CNBD1: variants seen among roughly 807,000 people sequenced by gnomAD.
CNBD1 encodes cyclic nucleotide-binding domain-containing protein 1.
Under a neutral mutation model 54.4 loss-of-function variants are expected in CNBD1, and 71 were observed. The observed-to-expected ratio is 1.30, with a 90% CI of 1.08 to 1.59. CNBD1 has a LOEUF of 1.59. Among genes scored for constraint, CNBD1 ranks in the 40% most tolerant of loss-of-function variants. CNBD1 has a pLI of 0.00. For synonymous variants in CNBD1, 182 were observed against 170.7 expected (o/e 1.07, Z -0.51); for missense variants, 659 against 518.0 (o/e 1.27, Z -2.64).
chr8:87,194,105 G>A (rs1434007512), intron 4 of CNBD1, among the ~76,000 whole-genome samples: 2 of 152,142 alleles, frequency 1.3e-5, no homozygotes, highest in Non-Finnish European at 2.9e-5. Flanking sequence ...AAGGGATCTA[G>A]GCTATGTGTG....
In CNBD1 at chr8:87,406,593, C is replaced by T. The variant is rs993503547; in HGVS notation, c.214-21953C>T. Among the ~76,000 whole-genome samples, 5 of 151,696 alleles carry T rather than the reference C, an allele frequency of 3.3e-5. No individual in the cohort carries two copies. In the East Asian group the frequency reaches 5.9e-4, roughly 18 times the overall value. ...CTCCTGGGTTCAAGTGATTCTCCTG[C>T]CTCAGCTTCCGGAGTAGCTAGGACT... On this transcript the variant is annotated intron_variant, in intron 2 of 7. Coordinates refer to the CNBD1 transcript ENST00000521593.
intron 8 of CNBD1, among the ~76,000 whole-genome samples, chr8:87,335,130 G>T (rs914407192): frequency 6.6e-6 from 1 of 152,100 alleles, no homozygotes; most frequent in Admixed American, 6.6e-5. Context: ...CCAATTATGT[G>T]GTCGATTTTA....
chr8:86,902,985 C>T (rs1808962109), intron 2 of CNBD1, among the ~76,000 whole-genome samples: 1 of 152,042 alleles, frequency 6.6e-6, no homozygotes, highest in Non-Finnish European at 1.5e-5. Flanking sequence ...CAATGAGACC[C>T]TCAGAAGTAG....
intron 10 of CNBD1, among the ~76,000 whole-genome samples, chr8:87,367,175 G>C (rs892012043): frequency 1.3e-5 from 2 of 151,994 alleles, no homozygotes; most frequent in African/African-American, 4.8e-5. Context: ...TATATTCTTT[G>C]TCCTGACAAA....
intron 4 of CNBD1, among the ~76,000 whole-genome samples, chr8:87,086,611 G>A (rs1420939618): frequency 6.6e-6 from 1 of 151,950 alleles, no homozygotes; most frequent in Non-Finnish European, 1.5e-5. Context: ...TTTCCCTAGA[G>A]CAATGTGAAT....
At chr8:87,336,235 G>T (rs1340716616) in intron 8 of CNBD1, among the ~76,000 whole-genome samples, 1 of 152,090 alleles carries the variant, frequency 6.6e-6, no homozygotes, top group Non-Finnish European at 1.5e-5. Flanking sequence ...TAATTTGAAT[G>T]TTGGCTTGTC....
At chr8:87,205,970 T>G (rs762243045) in intron 4 of CNBD1, 23 bp from the exon 5 acceptor site, 35 of 1,464,826 alleles carry the variant, frequency 2.4e-5, no homozygotes, top group East Asian at 5.0e-5. Context: ...GTCTCTGAAT[T>G]TGTATTTTTT....
At chr8:87,046,013 C>T (rs1316200273) in intron 4 of CNBD1, among the ~76,000 whole-genome samples, 6 of 145,264 alleles carry the variant, frequency 4.1e-5, no homozygotes, top group Non-Finnish European at 8.9e-5. Context: ...TGCACTCCAG[C>T]CTGGGAGACA....
chr8:87,089,301 T>C (rs1227835573), intron 4 of CNBD1, among the ~76,000 whole-genome samples: 1 of 152,102 alleles, frequency 6.6e-6, no homozygotes, highest in East Asian at 1.9e-4. Flanking sequence ...AATCTAAATA[T>C]ACTTTAAGAA....
chr8:87,267,806 A>G (rs947225625), intron 6 of CNBD1, among the ~76,000 whole-genome samples: 1 of 138,506 alleles, frequency 7.2e-6, no homozygotes, highest in Non-Finnish European at 1.7e-5. Flanking sequence ...TTATTTTTCA[A>G]TGGATATATG....
chr8:87,195,313 C>G (rs1431864251), intron 4 of CNBD1, among the ~76,000 whole-genome samples: 1 of 151,126 alleles, frequency 6.6e-6, no homozygotes. Flanking sequence ...TCTGCAACCT[C>G]CACCTCCCAG....
intron 8 of CNBD1, among the ~76,000 whole-genome samples, chr8:87,303,065 G>C (rs1221271414): frequency 6.6e-6 from 1 of 151,782 alleles, no homozygotes; most frequent in Non-Finnish European, 1.5e-5. Flanking sequence ...TACTGCCCAA[G>C]GTAATTTATA....
intron 10 of CNBD1, among the ~76,000 whole-genome samples, chr8:87,354,839 C>A (rs200910281): frequency 1.3e-5 from 2 of 151,984 alleles, no homozygotes; most frequent in Admixed American, 6.5e-5. Flanking sequence ...CAAGTCTTTG[C>A]TATTGTGAAT....
chr8:87,008,989 A>C lies in CNBD1; in HGVS notation c.431+69235A>C, dbSNP rs567165495. On this transcript the variant is annotated intron_variant, in intron 4 of 10. Coordinates refer to ENST00000518476, the MANE Select transcript of CNBD1 (RefSeq NM_173538.3). ...TTAATATAATTATAATTTGGGTTGA[A>C]ATTTTTCATATAACTATTGGTTTTT... Among the ~76,000 whole-genome samples, 14 of 151,982 alleles carry C rather than the reference A, an allele frequency of 9.2e-5. No individual in the cohort carries two copies. In the East Asian group the frequency reaches 2.5e-3, roughly 27 times the overall value.
chr8:87,042,581 C>T (rs926642085), intron 4 of CNBD1, among the ~76,000 whole-genome samples: 8 of 152,112 alleles, frequency 5.3e-5, no homozygotes, highest in African/African-American at 1.4e-4. Flanking sequence ...GATTAAAGAG[C>T]GACTGGACAA....
At chr8:87,263,670 A>G (rs72666806) in intron 6 of CNBD1, among the ~76,000 whole-genome samples, 34,430 of 152,090 alleles carry the variant, frequency 0.23, 4,068 homozygotes, top group South Asian at 0.28. Context: ...CAGGACCATG[A>G]AATTTTACCA....
intron 4 of CNBD1, among the ~76,000 whole-genome samples, chr8:87,189,062 T>C (rs1368071268): frequency 6.6e-6 from 1 of 152,142 alleles, no homozygotes; most frequent in Non-Finnish European, 1.5e-5. Context: ...AATGTCTAAG[T>C]ACAAAAGATG....
intron 4 of CNBD1, among the ~76,000 whole-genome samples, chr8:87,025,718 C>G (rs1809628732): frequency 6.6e-6 from 1 of 152,214 alleles, no homozygotes; most frequent in South Asian, 2.1e-4. Flanking sequence ...AGCTGTAACA[C>G]TCACTGTGAA....
intron 4 of CNBD1, among the ~76,000 whole-genome samples, chr8:86,957,883 GT>G (rs1332735782): frequency 1.3e-5 from 2 of 152,218 alleles, no homozygotes; most frequent in Admixed American, 6.5e-5. Context: ...TTTTGAATGT[GT>G]TTGCCCTTGC....
Sources: allele counts gnomAD v4.1 joint callset (sites outside exome capture counted in the v4.1 genomes callset), GRCh38; gene constraint gnomAD v4.1.1; transcripts MANE v1.5; gene names NCBI Gene and HGNC (gene_info 2026-07-23, HGNC 2026-07-21).